AGMO: variants seen among roughly 807,000 people sequenced by gnomAD.
AGMO encodes the protein glyceryl-ether monooxygenase.
Under a neutral mutation model 60.2 loss-of-function variants are expected in AGMO, and 75 were observed. That is an observed-to-expected ratio of 1.25 (90% CI 1.03 to 1.51). The LOEUF (loss-of-function observed/expected upper bound fraction) is 1.51. Ranked by LOEUF, AGMO falls within the 40% of genes most tolerant of loss-of-function variation. The pLI is 0.00. For synonymous variants in AGMO, 261 were observed against 177.1 expected, an observed-to-expected ratio of 1.47 and a Z score of -3.76; for missense variants, 763 against 525.5, an observed-to-expected ratio of 1.45 and a Z score of -4.42.
chr7:15,139,172 T>G, the AGMO span, among the ~76,000 whole-genome samples: 2 of 152,206 alleles, frequency 1.3e-5, no homozygotes, highest in Non-Finnish European at 2.9e-5. Context: ...CATATACTTC[T>G]AACTTTGTTT....
At chr7:15,286,242 A>T (rs1018035147) in intron 12 of AGMO, among the ~76,000 whole-genome samples, 1 of 152,170 alleles carries the variant, frequency 6.6e-6, no homozygotes, top group Non-Finnish European at 1.5e-5. Flanking sequence ...TAAACGAAAA[A>T]GCTTCTGCAC....
chr7:15,355,287 G>T (rs1252155476), intron 12 of AGMO, among the ~76,000 whole-genome samples: 2 of 151,986 alleles, frequency 1.3e-5, no homozygotes, highest in Admixed American at 6.6e-5. Context: ...CGGATCACAA[G>T]GTCAGGAGAT....
the AGMO span, among the ~76,000 whole-genome samples, chr7:15,123,573 C>A: frequency 1.3e-5 from 2 of 152,050 alleles, no homozygotes; most frequent in Non-Finnish European, 2.9e-5. Context: ...ACTTGACTCT[C>A]ATCACAGACT....
chr7:15,542,571 C>T (rs1305225262), intron 3 of AGMO, among the ~76,000 whole-genome samples: 4 of 151,974 alleles, frequency 2.6e-5, no homozygotes, highest in East Asian at 1.9e-4. Flanking sequence ...TTGGGTAGTG[C>T]GGCATGAGGA....
intron 3 of AGMO, among the ~76,000 whole-genome samples, chr7:15,471,821 A>G (rs1782456430): frequency 6.6e-6 from 1 of 151,892 alleles, no homozygotes; most frequent in Non-Finnish European, 1.5e-5. Context: ...TGTAAAGCCA[A>G]GATTTTTTTT....
intron 12 of AGMO, among the ~76,000 whole-genome samples, chr7:15,348,622 G>T (rs959680952): frequency 2.0e-5 from 3 of 151,956 alleles, no homozygotes; most frequent in African/African-American, 7.2e-5. Context: ...TAACACTCGT[G>T]TATCTGTGCA....
At chr7:15,168,632 T>A in the AGMO span, among the ~76,000 whole-genome samples, 1 of 152,210 alleles carries the variant, frequency 6.6e-6, no homozygotes, top group Non-Finnish European at 1.5e-5. Context: ...GATTCTTTCC[T>A]TAGGAGGCAG....
intron 5 of AGMO, among the ~76,000 whole-genome samples, chr7:15,415,063 G>C (rs796284714): frequency 3.9e-5 from 6 of 152,216 alleles, no homozygotes; most frequent in African/African-American, 1.4e-4. Flanking sequence ...CTATCTTTCA[G>C]AGTTTGTGAT....
At chr7:15,553,294 A>G (rs568204287) in intron 2 of AGMO, among the ~76,000 whole-genome samples, 1 of 152,058 alleles carries the variant, frequency 6.6e-6, no homozygotes, top group South Asian at 2.1e-4. Flanking sequence ...CGCAATGTGC[A>G]CATGTACCCT....
At chr7:15,523,062 C>T (rs1213782090) in intron 3 of AGMO, among the ~76,000 whole-genome samples, 1 of 152,180 alleles carries the variant, frequency 6.6e-6, no homozygotes, top group Non-Finnish European at 1.5e-5. Context: ...CTAAAGAAGA[C>T]ATTTATGCGG....
intron 3 of AGMO, among the ~76,000 whole-genome samples, chr7:15,464,890 G>C (rs73290421): frequency 0.023 from 3,568 of 152,220 alleles, 143 homozygotes; most frequent in African/African-American, 0.079. Context: ...TTGATAGCTT[G>C]TGATTAATAA....
intron 12 of AGMO, among the ~76,000 whole-genome samples, chr7:15,257,431 A>G (rs139178155): frequency 2.7e-4 from 41 of 152,298 alleles, no homozygotes; most frequent in Middle Eastern, 3.4e-3. Context: ...TATAAGAATG[A>G]GATATTTATT....
rs367795517 is a variant in AGMO, at chr7:15,201,240, G to A, written c.*45C>T. The A allele has an allele frequency of 3.9e-5, 51 of 1,301,994 alleles. 1 individual carries two copies. Among genetic ancestry groups the A allele is most frequent in the African/African-American group, 1.2e-4 (8 of 67,846 alleles). The allele number at this position is 1,301,994 out of a possible 1,614,324, so 80.7% of individuals were successfully genotyped here. A position where few individuals can be genotyped will look rare whatever the true frequency, so the allele number is the denominator to read the frequency against. ...ATTTTAATATGCAGTCATAATATGC[G>A]TGTGGACAACTCATTAAAAGAAGAG... On this transcript the variant is annotated 3_prime_UTR_variant, in exon 13 of 13. Coordinates refer to ENST00000342526, the MANE Select transcript of AGMO (RefSeq NM_001004320.2).
intron 12 of AGMO, among the ~76,000 whole-genome samples, chr7:15,267,669 A>G (rs573773492): frequency 2.0e-5 from 3 of 151,970 alleles, no homozygotes; most frequent in Admixed American, 2.0e-4. Context: ...TACCCATTTT[A>G]ATGAGTAAGA....
At chr7:15,208,853 A>G (rs1188366764) in intron 12 of AGMO, among the ~76,000 whole-genome samples, 5 of 152,228 alleles carry the variant, frequency 3.3e-5, no homozygotes, top group African/African-American at 1.2e-4. Context: ...AGATTTTTGA[A>G]TAAGATGTTG....
intron 12 of AGMO, among the ~76,000 whole-genome samples, chr7:15,235,947 G>A (rs1782405697): frequency 6.6e-6 from 1 of 152,076 alleles, no homozygotes; most frequent in Non-Finnish European, 1.5e-5. Flanking sequence ...ATTCTTCTCT[G>A]CCCTTTGGTT....
At chr7:15,495,866 C>CTCTCTCCTCTCTCTCTCTCCT (rs1562536456) in intron 3 of AGMO, among the ~76,000 whole-genome samples, 2 of 138,906 alleles carry the variant, frequency 1.4e-5, no homozygotes, top group African/African-American at 5.1e-5. Context: ...CTCTCTCTCT[C>CTCTCTCCTCTCTCTCTCTCCT]CTCTCTCTCT....
chr7:15,559,026 T>C (rs574188153), intron 2 of AGMO, among the ~76,000 whole-genome samples: 27 of 152,236 alleles, frequency 1.8e-4, no homozygotes, highest in African/African-American at 6.0e-4. Context: ...TCTGCCTCTT[T>C]GGTAAGCCCT....
At chr7:15,417,259 A>G (rs1434645180) in intron 5 of AGMO, among the ~76,000 whole-genome samples, 1 of 152,122 alleles carries the variant, frequency 6.6e-6, no homozygotes, top group Non-Finnish European at 1.5e-5. Context: ...AGCCACTTGG[A>G]GGTTCTTGGC....
Sources: gnomAD v4.1 joint callset for allele counts (sites outside exome capture counted in the v4.1 genomes callset) on GRCh38, gnomAD v4.1.1 for gene constraint, MANE v1.5 for transcripts, NCBI Gene and HGNC (gene_info 2026-07-23, HGNC 2026-07-21) for gene names.